The following MAPKAPK5 variants were observed in gnomAD, a reference collection of about 807,000 sequenced individuals.
MAPKAPK5 encodes MAP kinase-activated protein kinase 5.
In MAPKAPK5, 30 loss-of-function variants were observed where a neutral mutation model predicts 65.1. That is an observed-to-expected ratio of 0.46 (90% confidence interval 0.34 to 0.63). MAPKAPK5 has a LOEUF of 0.63. Among genes scored for constraint, MAPKAPK5 ranks in the 20% least tolerant of loss-of-function variants. The probability of loss-of-function intolerance (pLI) is 0.01; values close to 1 mark genes in which losing one functional copy is unlikely to be tolerated. For synonymous variants in MAPKAPK5, 179 were observed against 204.6 expected (o/e 0.87, Z 1.07); for missense variants, 433 against 581.4 (o/e 0.74, Z 2.63).
chr12:111,854,949 T>G (rs1256984335), intron 1 of MAPKAPK5, among the ~76,000 whole-genome samples: 1 of 98,852 alleles, frequency 1.0e-5, no homozygotes, highest in Non-Finnish European at 2.1e-5. Flanking sequence ...ATTAATTCAG[T>G]TTTTTTTACT....
intron 1 of MAPKAPK5, among the ~76,000 whole-genome samples, chr12:111,846,659 T>G (rs984320131): frequency 1.3e-5 from 2 of 151,872 alleles, no homozygotes; most frequent in Non-Finnish European, 2.9e-5. Context: ...CCACCATGCC[T>G]GGCTAATTTT....
intron 7 of MAPKAPK5, among the ~76,000 whole-genome samples, chr12:111,877,331 CT>C (rs1413380962): frequency 6.6e-6 from 1 of 150,840 alleles, no homozygotes; most frequent in African/African-American, 2.4e-5. Context: ...TTTTTTTTTT[CT>C]TTAATATTTC....
chr12:111,845,466 A>G (rs1393985710), intron 1 of MAPKAPK5, among the ~76,000 whole-genome samples: 4 of 152,018 alleles, frequency 2.6e-5, no homozygotes, highest in South Asian at 2.1e-4. Flanking sequence ...CAGCGTTTCT[A>G]TTTTATTAGC....
chr12:111,886,150 A>G, intron 10 of MAPKAPK5, 114 bp downstream of exon 10: 2 of 1,433,984 alleles, frequency 1.4e-6, no homozygotes, highest in Non-Finnish European at 1.9e-6. Context: ...GATCCTTCCC[A>G]GAGAAACATC....
At chr12:111,875,026 C>T (rs1413285466) in intron 7 of MAPKAPK5, among the ~76,000 whole-genome samples, 4 of 151,968 alleles carry the variant, frequency 2.6e-5, no homozygotes, top group Non-Finnish European at 4.4e-5. Flanking sequence ...ATCTGCCTAC[C>T]TTGGCCTCCC....
chr12:111,888,933 C>T lies in MAPKAPK5; in HGVS notation c.1149C>T (p.Ala383=), dbSNP rs763704701. 70 of 1,612,936 alleles carry T rather than the reference C, an allele frequency of 4.3e-5. 1 individual carries two copies. The highest frequency in any genetic ancestry group is 1.8e-4 in the Admixed American group (11 of 59,866). ...SVYIHDHENG[A]EDSNVALEKL... ...ATATCCACGACCATGAGAATGGAGC[C>T]GAGGATTCCAATGTTGCCTTGGAAA... The change falls in exon 12 of 14, where the codon GCC becomes GCT. Residue 383 remains alanine (A), a synonymous_variant. Coordinates refer to ENST00000550735, the MANE Select transcript of MAPKAPK5 (RefSeq NM_003668.4).
intron 1 of MAPKAPK5, among the ~76,000 whole-genome samples, chr12:111,864,252 G>T (rs2069533250): frequency 6.6e-6 from 1 of 152,108 alleles, no homozygotes; most frequent in Non-Finnish European, 1.5e-5. Context: ...TCCAGCCTGG[G>T]TGACCCTCGG....
chr12:111,845,786 G>A (rs1246104906), intron 1 of MAPKAPK5, among the ~76,000 whole-genome samples: 1 of 151,996 alleles, frequency 6.6e-6, no homozygotes, highest in African/African-American at 2.4e-5. Flanking sequence ...AGCCGAGTGT[G>A]GTGGCACACA....
rs75803132 is a variant in MAPKAPK5, at chr12:111,883,518, A to G, written c.661-63A>G. On this transcript the variant is annotated intron_variant, in intron 8 of 13. Coordinates refer to ENST00000550735, the MANE Select transcript of MAPKAPK5 (RefSeq NM_003668.4). This position sits in a 1 kb window ranked among gnomAD's most constrained non-coding sequence, Gnocchi z 4.8. ...TGCAGGGGCTATTCCTGAGCCTGTC[A>G]TGGGGTGTTTATTTGGGGGCTCTGC... 97,667 of 1,443,972 alleles carry G rather than the reference A, an allele frequency of 0.068. 3,742 individuals carry two copies. The highest frequency in any genetic ancestry group is 0.11 in the Middle Eastern group (507 of 4,618). The allele number at this position is 1,443,972 out of a possible 1,614,324, so 89.4% of individuals were successfully genotyped here. A position where few individuals can be genotyped will look rare whatever the true frequency, so the allele number is the denominator to read the frequency against.
rs2070851784 is a variant in MAPKAPK5 at position 111,897,199 on chromosome 12, ATCC to A, written c.*4143_*4145del. ...AGACTCAAGCTCCTGGGCTCAAGCAATCCTCCTGCCTCAGCCTTCTAAGTAGCT... is the reference window on the plus strand; with the variant it reads ...AGACTCAAGCTCCTGGGCTCAAGCAATCCTGCCTCAGCCTTCTAAGTAGCT... On this transcript the variant is annotated 3_prime_UTR_variant, in exon 14 of 14. Coordinates refer to ENST00000550735, the MANE Select transcript of MAPKAPK5 (RefSeq NM_003668.4). The A allele has an allele frequency of 6.6e-6, 1 of 152,234 alleles. No individual in the cohort carries two copies. Among genetic ancestry groups the A allele is most frequent in the South Asian group, 2.1e-4 (1 of 4,830 alleles). 9.4% of individuals were successfully genotyped at this position (152,234 alleles called of 1,614,324 possible).
Position 111,894,548 on chromosome 12 carries a change from T to G in MAPKAPK5, c.*1487T>G, listed in dbSNP as rs796302455. The G allele has an allele frequency of 5.3e-5, 8 of 150,862 alleles. No individual in the cohort carries two copies. The highest frequency in any genetic ancestry group is 1.9e-4 in the African/African-American group (8 of 41,230). 9.3% of individuals were successfully genotyped at this position (150,862 alleles called of 1,614,324 possible). A position where few individuals can be genotyped will look rare whatever the true frequency, so the allele number is the denominator to read the frequency against. The stretch of plus-strand genomic sequence containing the variant: ...TCATGTAAGATGATCCAGTTTTGGT[T>G]TTTTTTTTTATAAGGCTGCCCTGTT... On this transcript the variant is annotated 3_prime_UTR_variant, in exon 14 of 14. Transcript: ENST00000550735.
intron 1 of MAPKAPK5, among the ~76,000 whole-genome samples, chr12:111,862,861 T>G (rs1365185287): frequency 1.3e-5 from 2 of 152,164 alleles, no homozygotes; most frequent in African/African-American, 4.8e-5. Flanking sequence ...TGGAACAGTT[T>G]TTACCACGAT....
At chr12:111,891,590 A>C (rs1336158915) in intron 13 of MAPKAPK5, among the ~76,000 whole-genome samples, 1 of 149,706 alleles carries the variant, frequency 6.7e-6, no homozygotes, top group Admixed American at 6.7e-5. Flanking sequence ...TCAGGAGATC[A>C]AGACCATCCT....
chr12:111,890,859 T>C (rs1365177508), intron 13 of MAPKAPK5, among the ~76,000 whole-genome samples: 1 of 151,894 alleles, frequency 6.6e-6, no homozygotes, highest in Non-Finnish European at 1.5e-5. Context: ...GGTTTCACCA[T>C]GTTGGCCAGG....
intron 1 of MAPKAPK5, among the ~76,000 whole-genome samples, chr12:111,861,952 T>C (rs1397900760): frequency 6.6e-6 from 1 of 152,250 alleles, no homozygotes; most frequent in Non-Finnish European, 1.5e-5. Context: ...CAAGTGTTTG[T>C]ATCCTTGTTA....
At chr12:111,842,855 G>C in intron 1 of MAPKAPK5, 86 bp downstream of exon 1, 1 of 1,215,294 alleles carries the variant, frequency 8.2e-7, no homozygotes, top group Middle Eastern at 2.1e-4. Context: ...AGATTTTGCA[G>C]TGAGAGGTTC....
rs1361289833 is a variant in MAPKAPK5 at position 111,898,286 on chromosome 12, A to G, written c.*5225A>G. On this transcript the variant is annotated 3_prime_UTR_variant, in exon 14 of 14. Coordinates refer to ENST00000550735, the MANE Select transcript of MAPKAPK5 (RefSeq NM_003668.4). ...TGGGTTCAAGCGATTCTCCTGCCTC[A>G]CCTTCCTGAGTAGCTGAGATTACAG... is the stretch of plus-strand genomic sequence containing the variant. 6.6e-6 allele frequency: 1 copy of G among 151,606 alleles called. No homozygotes were observed. Among genetic ancestry groups the G allele is most frequent in the Non-Finnish European group, 1.5e-5 (1 of 68,026 alleles). 9.4% of individuals were successfully genotyped at this position (151,606 alleles called of 1,614,324 possible). A position where few individuals can be genotyped will look rare whatever the true frequency, so the allele number is the denominator to read the frequency against.
rs1356543322 is a variant in MAPKAPK5 at position 111,899,328 on chromosome 12, T to C, written c.*6267T>C. 3.9e-5 allele frequency: 6 copies of C among 152,900 alleles called. No individual in the cohort carries two copies. Among genetic ancestry groups the C allele is most frequent in the African/African-American group, 1.4e-4 (6 of 41,436 alleles). 9.5% of individuals were successfully genotyped at this position (152,900 alleles called of 1,614,324 possible). A position where few individuals can be genotyped will look rare whatever the true frequency, so the allele number is the denominator to read the frequency against. ...TGCTTTATGGAAAAACCAAGTGGCC[T>C]TGGAAGAGGCTAAGATAAAGTTTCA... On this transcript the variant is annotated 3_prime_UTR_variant, in exon 14 of 14. Coordinates refer to ENST00000550735, the MANE Select transcript of MAPKAPK5 (RefSeq NM_003668.4).
intron 1 of MAPKAPK5, chr12:111,843,516 A>T: frequency 2.7e-6 from 1 of 365,258 alleles, no homozygotes; most frequent in Non-Finnish European, 4.8e-6. Context: ...AATTAGTCTT[A>T]TGAAAATTAA....
Sources: allele counts gnomAD v4.1 joint callset (sites outside exome capture counted in the v4.1 genomes callset), GRCh38; gene constraint gnomAD v4.1.1; non-coding constraint Gnocchi (gnomAD v3.1); transcripts MANE v1.5; gene names NCBI Gene and HGNC (gene_info 2026-07-23, HGNC 2026-07-21).